DNAH7: variants seen among roughly 807,000 people sequenced by gnomAD.
DNAH7 encodes dynein axonemal heavy chain 7.
Under a neutral mutation model 444.6 loss-of-function variants are expected in DNAH7, and 397 were observed. The ratio of observed to expected loss-of-function variants is 0.89; its 90% confidence interval spans 0.82 to 0.97. The LOEUF is 0.97. Among genes scored for constraint, DNAH7 ranks in the 50% least tolerant of loss-of-function variants. The pLI is 0.00. For missense variants in DNAH7, 4,902 were observed against 4,800.8 expected (o/e 1.02, Z -0.62); for synonymous variants, 1,636 against 1,624.4 (o/e 1.01, Z -0.17).
At chr2:195,919,915 T>C (rs1687920675) in intron 24 of DNAH7, among the ~76,000 whole-genome samples, 1 of 152,098 alleles carries the variant, frequency 6.6e-6, no homozygotes, top group African/African-American at 2.4e-5. Context: ...AATGGAAGTA[T>C]CAAGTAGGCT....
At chr2:195,970,881 C>T (rs1001783957) in intron 16 of DNAH7, among the ~76,000 whole-genome samples, 9 of 152,008 alleles carry the variant, frequency 5.9e-5, no homozygotes, top group Non-Finnish European at 1.3e-4. Flanking sequence ...CTAGCCCAGT[C>T]GGGGAGGGAA....
chr2:195,744,543 C>T (rs1693261150), intron 63 of DNAH7, among the ~76,000 whole-genome samples: 1 of 152,238 alleles, frequency 6.6e-6, no homozygotes, highest in Non-Finnish European at 1.5e-5. Context: ...AACGGGCAGA[C>T]TGCCTCCTCA....
Position 195,872,324 on chromosome 2 carries a change from T to C in DNAH7, c.6559A>G (p.Ile2187Val), listed in dbSNP as rs749142879. ...GGTCTTGACAAACAAACACCTTGAA[T>C]GACACGGGAGAAATCACGGAGGTTG... The part of the protein sequence containing the change: ...LFNLRDFSRV[I>V]QGVCLSRPET... The change falls in exon 40 of 65, where the codon ATT becomes GTT. Residue 2187 changes from isoleucine (I) to valine (V), a missense_variant. Ile to Val is a conservative substitution (Grantham distance 29). Coordinates refer to ENST00000312428, the MANE Select transcript of DNAH7 (RefSeq NM_018897.3). 6.2e-7 allele frequency: 1 copy of C among 1,613,976 alleles called. No individual in the cohort carries two copies. Among genetic ancestry groups the C allele is most frequent in the Non-Finnish European group, 8.5e-7 (1 of 1,179,946 alleles).
chr2:195,781,840 T>A (rs1369587530), intron 58 of DNAH7, among the ~76,000 whole-genome samples: 1 of 151,980 alleles, frequency 6.6e-6, no homozygotes, highest in Non-Finnish European at 1.5e-5. Context: ...TGAGAAAAAA[T>A]TATGTGTGTA....
chr2:195,998,564 C>CAAA (rs539748720), intron 12 of DNAH7, among the ~76,000 whole-genome samples: 4 of 96,966 alleles, frequency 4.1e-5, no homozygotes, highest in Non-Finnish European at 6.7e-5. Flanking sequence ...GACTCCAACT[C>CAAA]AAAAAAAAAA....
rs1698898314 is a variant in DNAH7 at position 195,844,943 on chromosome 2, C to T, written c.8945+59G>A. On this transcript the variant is annotated intron_variant, in intron 47 of 64. Transcript: ENST00000312428. ...TTGCTACCTAAAATTGTTAAAGGAA[C>T]ACAGATAAATCTACTGTTATTTAAT... The T allele has an allele frequency of 2.7e-6, 4 of 1,484,316 alleles. No individual in the cohort carries two copies. In the South Asian group the frequency reaches 3.9e-5, roughly 15 times the overall value. 91.9% of individuals were successfully genotyped at this position (1,484,316 alleles called of 1,614,324 possible).
At chr2:195,897,136 T>C (rs1460327683) in intron 29 of DNAH7, among the ~76,000 whole-genome samples, 4 of 152,200 alleles carry the variant, frequency 2.6e-5, no homozygotes, top group African/African-American at 9.6e-5. Flanking sequence ...CACCAAAGGA[T>C]ATTATGAAAA....
chr2:195,829,866 T>G (rs1478688818), intron 48 of DNAH7, among the ~76,000 whole-genome samples: 1 of 152,068 alleles, frequency 6.6e-6, no homozygotes, highest in South Asian at 2.1e-4. Context: ...AGGAAAGATA[T>G]TTGTAGTGTC....
chr2:195,926,336 T>C (rs1286222994), intron 22 of DNAH7, 90 bp downstream of exon 22: 9 of 1,154,454 alleles, frequency 7.8e-6, no homozygotes, highest in Non-Finnish European at 9.1e-6. Flanking sequence ...AAGTGAACTG[T>C]ATTTATTTTA....
intron 59 of DNAH7, among the ~76,000 whole-genome samples, chr2:195,776,748 TC>T (rs1695083436): frequency 1.3e-5 from 2 of 152,234 alleles, no homozygotes; most frequent in Non-Finnish European, 2.9e-5. Context: ...ACATTATACT[TC>T]TTTTTATGCA....
At chr2:195,964,891 A>C (rs1449596743) in intron 17 of DNAH7, among the ~76,000 whole-genome samples, 1 of 151,050 alleles carries the variant, frequency 6.6e-6, no homozygotes, top group Admixed American at 6.6e-5. Context: ...AAAAAAAAAA[A>C]GTTCATATCA....
In DNAH7 at chr2:195,974,755, T is replaced by TACACACACAC. The variant is rs58054572; in HGVS notation, c.1834-2299_1834-2290dup. On this transcript the variant is annotated intron_variant, in intron 15 of 64. Coordinates refer to ENST00000312428, the MANE Select transcript of DNAH7 (RefSeq NM_018897.3). ...TATATATAGGCATGTATGTATATTT[T>TACACACACAC]ACACACACACACACACACACACACA... Among the ~76,000 whole-genome samples the TACACACACAC allele has an allele frequency of 9.1e-3, 1,300 of 143,622 alleles. 18 individuals carry two copies. Among genetic ancestry groups the TACACACACAC allele is most frequent in the African/African-American group, 0.031 (1,181 of 38,188 alleles). The allele number at this position is 143,622 out of a possible 152,430, so 94.2% of individuals were successfully genotyped here.
intron 7 of DNAH7, among the ~76,000 whole-genome samples, chr2:196,025,043 GTA>G (rs2125773003): frequency 6.6e-6 from 1 of 152,322 alleles, no homozygotes; most frequent in South Asian, 2.1e-4. Context: ...GTATGAGGTA[GTA>G]TAAGAAATCT....
chr2:195,976,156 G>A (rs993269881), intron 15 of DNAH7, among the ~76,000 whole-genome samples: 1 of 152,148 alleles, frequency 6.6e-6, no homozygotes, highest in African/African-American at 2.4e-5. Flanking sequence ...TTGGCTGTTA[G>A]GAGGAATTTC....
intron 42 of DNAH7, among the ~76,000 whole-genome samples, chr2:195,860,558 C>G (rs1699959361): frequency 6.6e-6 from 1 of 151,840 alleles, no homozygotes; most frequent in Non-Finnish European, 1.5e-5. Context: ...TATGACAGTC[C>G]TGTTGGGAGG....
At position 195,778,709 on chromosome 2, in the gene DNAH7, TATATATACACATATATATATACAC is replaced by T. The variant is rs201984868; in HGVS notation, c.10879-748_10879-725del. On this transcript the variant is annotated intron_variant, in intron 58 of 64. Transcript: ENST00000312428. ...ATATATACACATATATATATACACA[TATATATACACATATATATATACAC>T]ATATATATATATAATAAAACTCAGA... 0.028 allele frequency among the ~76,000 whole-genome samples: 1,762 copies of T among 63,744 alleles called. 220 individuals are homozygous for T. In the East Asian group the frequency reaches 0.42, roughly 15 times the overall value. 41.8% of individuals were successfully genotyped at this position (63,744 alleles called of 152,430 possible).
intron 19 of DNAH7, among the ~76,000 whole-genome samples, chr2:195,939,334 T>C (rs1467196853): frequency 1.3e-5 from 2 of 152,148 alleles, no homozygotes; most frequent in East Asian, 1.9e-4. Context: ...GTATTTATCA[T>C]AGTAAAATAA....
chr2:195,808,951 A>T (rs1696834152), intron 52 of DNAH7, 75 bp from the exon 53 acceptor site: 1 of 1,309,984 alleles, frequency 7.6e-7, no homozygotes. Context: ...CCATTATAAA[A>T]GAGTTGAGTG....
intron 41 of DNAH7, among the ~76,000 whole-genome samples, chr2:195,862,910 C>A (rs937086808): frequency 6.6e-6 from 1 of 152,156 alleles, no homozygotes; most frequent in Non-Finnish European, 1.5e-5. Flanking sequence ...GTGGTGGGTG[C>A]CTGTAATCCC....
Sources: gnomAD v4.1 joint callset for allele counts (sites outside exome capture counted in the v4.1 genomes callset) on GRCh38, gnomAD v4.1.1 for gene constraint, MANE v1.5 for transcripts, NCBI Gene and HGNC (gene_info 2026-07-23, HGNC 2026-07-21) for gene names.